OSBPL10: variants seen among roughly 807,000 people sequenced by gnomAD.
OSBPL10 encodes oxysterol binding protein like 10.
OSBPL10 carries 49 observed loss-of-function variants against 81.7 expected under a neutral mutation model. The observed-to-expected ratio is 0.60, with a 90% CI of 0.48 to 0.76. The LOEUF (loss-of-function observed/expected upper bound fraction) is 0.76. Among genes scored for constraint, OSBPL10 ranks in the 30% least tolerant of loss-of-function variants. The pLI, the probability that OSBPL10 is intolerant of heterozygous loss-of-function variation, is 0.00. For synonymous variants in OSBPL10, 419 were observed against 383.6 expected (o/e 1.09, Z -1.08); for missense variants, 923 against 987.8 (o/e 0.93, Z 0.88).
At position 31,815,650 on chromosome 3, in the gene OSBPL10, C is replaced by T. The variant is rs111541177; in HGVS notation, c.729+14390G>A. Among the ~76,000 whole-genome samples, 945 of 152,242 alleles carry T rather than the reference C, an allele frequency of 6.2e-3. 5 individuals carry two copies. Among genetic ancestry groups the T allele is most frequent in the African/African-American group, 0.022 (900 of 41,550 alleles). ...CTCTGCTGGAAGCTGAACAAGATGA[C>T]TGGGTTCTAAATGAGGAAGAATCTC... is the stretch of plus-strand genomic sequence containing the variant. On this transcript the variant is annotated intron_variant, in intron 4 of 11. Transcript: ENST00000396556.
intron 6 of OSBPL10, among the ~76,000 whole-genome samples, chr3:31,728,723 G>A (rs991366914): frequency 1.9e-4 from 29 of 152,180 alleles, no homozygotes; most frequent in Admixed American, 1.9e-3. Flanking sequence ...ACAGATCAAT[G>A]GTTGCCAAGG....
intron 1 of OSBPL10, among the ~76,000 whole-genome samples, chr3:31,942,527 T>G (rs1374936739): frequency 2.2e-5 from 2 of 90,532 alleles, no homozygotes; most frequent in South Asian, 4.5e-4. Context: ...AGGGTGAGAC[T>G]CCATCTCAAA....
chr3:31,780,715 T>C (rs1004788553), intron 4 of OSBPL10, among the ~76,000 whole-genome samples: 4 of 152,046 alleles, frequency 2.6e-5, no homozygotes, highest in East Asian at 1.9e-4. Flanking sequence ...CTAGAGGAGA[T>C]AGATAAATTC....
At chr3:31,903,193 A>T (rs1456979316) in intron 1 of OSBPL10, among the ~76,000 whole-genome samples, 1 of 152,234 alleles carries the variant, frequency 6.6e-6, no homozygotes, top group Non-Finnish European at 1.5e-5. Flanking sequence ...GTGGGAAAAC[A>T]TAACAAAAAT....
intron 11 of OSBPL10, chr3:31,662,672 G>T: frequency 1.0e-6 from 1 of 985,630 alleles, no homozygotes; most frequent in Non-Finnish European, 1.2e-6. Context: ...CTGTGCTGGT[G>T]TTCAGATGAC....
chr3:31,856,049 A>G (rs1700904448), intron 3 of OSBPL10, among the ~76,000 whole-genome samples: 1 of 146,672 alleles, frequency 6.8e-6, no homozygotes, highest in African/African-American at 2.5e-5. Context: ...AATATATGTT[A>G]TATACATTTA....
intron 1 of OSBPL10, chr3:31,919,374 C>T (rs4444747): frequency 2.6e-5 from 4 of 151,978 alleles, no homozygotes; most frequent in African/African-American, 7.3e-5. Context: ...GAGGATACAT[C>T]GGGGTGACTT....
At position 32,029,075 on chromosome 3, in the gene OSBPL10, T is replaced by G. The variant is rs571631413; in HGVS notation, n.298+17416A>C. ...AATAATTGGTCACAGCCGGCACCAG[T>G]GAAAGGCAGCCTCATAATAGGTAAC... On this transcript the variant is annotated intron_variant and non_coding_transcript_variant, in intron 2 of 3. Coordinates refer to the OSBPL10 transcript ENST00000479173. Among the ~76,000 whole-genome samples, 14 of 151,498 alleles carry G rather than the reference T, an allele frequency of 9.2e-5. No individual in the cohort carries two copies. In the South Asian group the frequency reaches 2.9e-3, roughly 32 times the overall value.
intron 1 of OSBPL10, among the ~76,000 whole-genome samples, chr3:32,054,852 G>A (rs547135981): frequency 6.6e-6 from 1 of 152,162 alleles, no homozygotes; most frequent in South Asian, 2.1e-4. Flanking sequence ...AATAGTGGCT[G>A]TCCTAACTAA....
chr3:31,817,389 G>A (rs1188046412), intron 4 of OSBPL10, among the ~76,000 whole-genome samples: 3 of 152,198 alleles, frequency 2.0e-5, no homozygotes, highest in Non-Finnish European at 2.9e-5. Flanking sequence ...AGCCAGTAAG[G>A]GTACAAGGGA....
At chr3:31,839,381 G>A (rs1021004180) in intron 3 of OSBPL10, among the ~76,000 whole-genome samples, 6 of 152,064 alleles carry the variant, frequency 3.9e-5, no homozygotes, top group Admixed American at 2.0e-4. Flanking sequence ...CTGCTCTCAG[G>A]AACAAAGTAC....
At chr3:31,822,320 G>A (rs1699998826) in intron 4 of OSBPL10, 1 of 152,128 alleles carries the variant, frequency 6.6e-6, no homozygotes, top group African/African-American at 2.4e-5. Flanking sequence ...TTCACTGGAT[G>A]CTTAACTAAA....
intron 4 of OSBPL10, among the ~76,000 whole-genome samples, chr3:31,800,359 T>C (rs1559470889): frequency 6.6e-6 from 1 of 152,122 alleles, no homozygotes; most frequent in Non-Finnish European, 1.5e-5. Context: ...CTGAAAACCA[T>C]CTCTGGGAGA....
chr3:31,708,723 C>T (rs1311671508), intron 6 of OSBPL10: 1 of 985,160 alleles, frequency 1.0e-6, no homozygotes, highest in Non-Finnish European at 1.2e-6. Flanking sequence ...ACTGTCCTTC[C>T]CACACACTGC....
At chr3:31,966,153 A>ATGTGTGTGTGTGTGTGTGTG (rs59737552) in intron 1 of OSBPL10, among the ~76,000 whole-genome samples, 1 of 134,842 alleles carries the variant, frequency 7.4e-6, no homozygotes, top group Non-Finnish European at 1.6e-5. Context: ...CAACAAAATT[A>ATGTGTGTGTGTGTGTGTGTG]TGTGTGTGTG....
chr3:31,753,517 A>C (rs1379522394), intron 4 of OSBPL10, among the ~76,000 whole-genome samples: 1 of 152,034 alleles, frequency 6.6e-6, no homozygotes, highest in Non-Finnish European at 1.5e-5. Context: ...AACCACACAC[A>C]CACACAAACA....
At chr3:32,076,662 G>A (rs973979527) in intron 1 of OSBPL10, among the ~76,000 whole-genome samples, 4 of 152,070 alleles carry the variant, frequency 2.6e-5, no homozygotes, top group African/African-American at 4.8e-5. Context: ...ACACAAAGCC[G>A]GCTGTGCGGG....
chr3:31,786,560 G>A (rs1423104746), intron 4 of OSBPL10, among the ~76,000 whole-genome samples: 1 of 152,096 alleles, frequency 6.6e-6, no homozygotes, highest in Non-Finnish European at 1.5e-5. Flanking sequence ...GACAGAAGGG[G>A]AAGAGTTCCC....
Position 31,956,546 on chromosome 3 carries a change from C to T in OSBPL10, c.281+24353G>A, listed in dbSNP as rs565748493. Among the ~76,000 whole-genome samples, 54 of 152,260 alleles carry T rather than the reference C, an allele frequency of 3.5e-4. 1 individual carries two copies. The highest frequency in any genetic ancestry group is 1.3e-3 in the African/African-American group (52 of 41,560). On this transcript the variant is annotated intron_variant, in intron 1 of 11. Transcript: ENST00000396556. ...CCAGCCTGGCCAACATGGCGAAACC[C>T]TGTCTCTACTAAAAATACAAAACAA... is the stretch of plus-strand genomic sequence containing the variant.
Sources: allele counts gnomAD v4.1 joint callset (sites outside exome capture counted in the v4.1 genomes callset), GRCh38; gene constraint gnomAD v4.1.1; transcripts MANE v1.5; gene names NCBI Gene and HGNC (gene_info 2026-07-23, HGNC 2026-07-21).